TRANK1: variants seen among roughly 807,000 people sequenced by gnomAD.
TRANK1 encodes tetratricopeptide repeat and ankyrin repeat containing 1, also known as TPR and ankyrin repeat-containing protein 1.
Under a neutral mutation model 266.0 loss-of-function variants are expected in TRANK1, and 198 were observed. That is an observed-to-expected ratio of 0.74 (90% confidence interval 0.66 to 0.84). The LOEUF is 0.84. Among genes scored for constraint, TRANK1 ranks in the 40% least tolerant of loss-of-function variants. TRANK1 has a pLI of 0.00. For synonymous variants in TRANK1, 1,396 were observed against 1,384.1 expected (o/e 1.01, Z -0.19); for missense variants, 3,326 against 3,634.6 (o/e 0.92, Z 2.18).
intron 1 of TRANK1, among the ~76,000 whole-genome samples, chr3:36,934,936 T>C (rs1394971541): frequency 6.6e-6 from 1 of 152,144 alleles, no homozygotes; most frequent in Non-Finnish European, 1.5e-5. Context: ...GCTGGATTAC[T>C]GCAAAATTGG....
At chr3:36,941,958 C>T (rs1275066271) in intron 1 of TRANK1, among the ~76,000 whole-genome samples, 2 of 152,164 alleles carry the variant, frequency 1.3e-5, no homozygotes, top group African/African-American at 2.4e-5. Context: ...TCCTTAAGGT[C>T]AAGAAAACCA....
Position 36,843,942 on chromosome 3 carries a change from C to T in TRANK1, c.5192-1232G>A, listed in dbSNP as rs1216319698. 2.6e-5 allele frequency among the ~76,000 whole-genome samples: 4 copies of T among 152,246 alleles called. No individual in the cohort carries two copies. The South Asian group carries it at 8.3e-4, about 32-fold the overall frequency. On this transcript the variant is annotated intron_variant, in intron 17 of 23. Coordinates refer to ENST00000645898, the MANE Select transcript of TRANK1 (RefSeq NM_001329998.2). ...GTGACATTTAATTCCCACGGCAAAA[C>T]CCCATCCATATTATCTCAAAATAGG... is the stretch of plus-strand genomic sequence containing the variant.
In TRANK1 at chr3:36,889,886, C is replaced by A. The variant is rs750671203; in HGVS notation, c.850G>T (p.Asp284Tyr). Residue 284 changes from aspartate to tyrosine, a missense_variant, in exon 8 of 24, where the codon GAT becomes TAT. By Grantham distance (160) the Asp-to-Tyr change is radical. Transcript: ENST00000645898. Reference protein sequence around the residue: ...WKGRINQKDGDGCTVLHVVAA... With the variant: ...WKGRINQKDGYGCTVLHVVAA... ...ACGACGTGCAGGACAGTGCAGCCAT[C>A]CCCATCCTTCTGGTTAATGCGGCCT... The A allele has an allele frequency of 6.5e-7, 1 of 1,537,264 alleles. No homozygotes were observed. The highest frequency in any genetic ancestry group is 1.2e-5 in the South Asian group (1 of 84,058).
intron 17 of TRANK1, among the ~76,000 whole-genome samples, chr3:36,843,893 G>A (rs891183744): frequency 4.6e-5 from 7 of 152,076 alleles, no homozygotes; most frequent in East Asian, 1.9e-4. Context: ...TTCTGACTCC[G>A]TATGTGCTGC....
At chr3:36,902,763 A>G (rs375033505) in intron 3 of TRANK1, among the ~76,000 whole-genome samples, 3 of 152,338 alleles carry the variant, frequency 2.0e-5, no homozygotes, top group East Asian at 3.9e-4. Flanking sequence ...GGCAAAGAAC[A>G]TGCACAGATT....
At chr3:36,864,745 C>G (rs921253916) in intron 9 of TRANK1, among the ~76,000 whole-genome samples, 17 of 152,184 alleles carry the variant, frequency 1.1e-4, no homozygotes, top group African/African-American at 4.1e-4. Flanking sequence ...GCCTTGTATA[C>G]TTCTGCTGAC....
rs760296033 is a variant in TRANK1 at position 36,855,268 on chromosome 3, A to C, written c.4454T>G (p.Phe1485Cys). The change falls in exon 13 of 24, where the codon TTC (phenylalanine) becomes TGC (cysteine). Residue 1485 changes from phenylalanine to cysteine, a missense_variant. Coordinates refer to ENST00000645898, the MANE Select transcript of TRANK1 (RefSeq NM_001329998.2). ...AFRFSDLRSLFHYASRNTIDK... is the reference protein window; with the variant it reads ...AFRFSDLRSLCHYASRNTIDK... ...TATGGTGTTTCTGCTGGCATAATGGAACAGAGAGCGCAGATCGCTGAAGCG... is the reference window on the plus strand; with the variant it reads ...TATGGTGTTTCTGCTGGCATAATGGCACAGAGAGCGCAGATCGCTGAAGCG... The C allele has an allele frequency of 6.2e-7, 1 of 1,614,026 alleles. No homozygotes were observed. Among genetic ancestry groups the C allele is most frequent in the East Asian group, 2.2e-5 (1 of 44,882 alleles).
intron 1 of TRANK1, among the ~76,000 whole-genome samples, chr3:36,918,677 AAAAG>A (rs1019139885): frequency 1.3e-5 from 2 of 149,172 alleles, no homozygotes; most frequent in African/African-American, 2.5e-5. Flanking sequence ...GAAAGAAAGA[AAAAG>A]AAAGAAACGC....
In TRANK1 at chr3:36,857,380, G is replaced by T. The variant is rs745486330; in HGVS notation, c.2342C>A (p.Pro781His). 2 of 1,610,324 alleles carry T rather than the reference G, an allele frequency of 1.2e-6. No individual in the cohort carries two copies. The highest frequency in any genetic ancestry group is 4.5e-5 in the East Asian group (2 of 44,882). ...DDKPTLGAGAPDCSEVGEGHA... is the reference protein window; with the variant it reads ...DDKPTLGAGAHDCSEVGEGHA... ...TCCTTCCCCCACCTCACTACAGTCA[G>T]GGGCCCCTGCACCCAGAGTCGGCTT... The change falls in exon 13 of 24, where the codon CCT becomes CAT. Residue 781 changes from proline to histidine, a missense_variant. Physicochemically the swap from Pro to His is moderately conservative, Grantham distance 77. Coordinates refer to ENST00000645898, the MANE Select transcript of TRANK1 (RefSeq NM_001329998.2). This position sits in a 1 kb window ranked among gnomAD's most constrained non-coding sequence, Gnocchi z 4.3.
In TRANK1 at chr3:36,833,905, A is replaced by T; in HGVS notation, c.5678T>A (p.Leu1893Gln). The T allele has an allele frequency of 6.2e-7, 1 of 1,606,184 alleles. No homozygotes were observed. The highest frequency in any genetic ancestry group is 1.1e-5 in the South Asian group (1 of 90,016). Residue 1893 changes from leucine to glutamine, a missense_variant, in exon 22 of 24, where the codon CTA becomes CAA. Coordinates refer to ENST00000645898, the MANE Select transcript of TRANK1 (RefSeq NM_001329998.2). ...AIAVEKYEEM[L>Q]KTKTLPISKL... ...GGAAATGGGAAGGGTCTTAGTCTTT[A>T]GCATTTCTTCATACCTGCAAAGACA...
chr3:36,877,013 C>T (rs1374120337), intron 8 of TRANK1, among the ~76,000 whole-genome samples: 1 of 152,168 alleles, frequency 6.6e-6, no homozygotes, highest in East Asian at 1.9e-4. Flanking sequence ...AAATTACAAA[C>T]AAAGCTGAAG....
At chr3:36,900,938 A>ACC (rs1350742759) in intron 3 of TRANK1, among the ~76,000 whole-genome samples, 1 of 150,652 alleles carries the variant, frequency 6.6e-6, no homozygotes, top group Non-Finnish European at 1.5e-5. Context: ...TCCACGTAAC[A>ACC]CCAAATTTCT....
intron 11 of TRANK1, among the ~76,000 whole-genome samples, chr3:36,860,233 T>C (rs1320891097): frequency 1.3e-5 from 2 of 152,158 alleles, no homozygotes; most frequent in Non-Finnish European, 2.9e-5. Flanking sequence ...TTTATTCCCA[T>C]TTTACCAATG....
At chr3:36,907,444 C>A (rs894206002) in intron 2 of TRANK1, among the ~76,000 whole-genome samples, 1 of 151,256 alleles carries the variant, frequency 6.6e-6, no homozygotes, top group Admixed American at 6.6e-5. Flanking sequence ...GCCACTCTAC[C>A]CAGCAAATTT....
intron 3 of TRANK1, among the ~76,000 whole-genome samples, chr3:36,900,362 G>C (rs951433405): frequency 1.3e-5 from 2 of 152,110 alleles, no homozygotes; most frequent in African/African-American, 4.8e-5. Context: ...CAAACATTGA[G>C]ATTTACTGAG....
chr3:36,905,120 C>T (rs1418376278), intron 2 of TRANK1, among the ~76,000 whole-genome samples: 1 of 152,014 alleles, frequency 6.6e-6, no homozygotes, highest in Admixed American at 6.6e-5. Flanking sequence ...AACCCCATCT[C>T]TACTAAAAAT....
rs1001132453 is a variant in TRANK1, at chr3:36,846,142, G to T, written c.5191+106C>A. 4.2e-6 allele frequency: 5 copies of T among 1,199,012 alleles called. No homozygotes were observed. The African/African-American group carries it at 6.2e-5, about 15-fold the overall frequency. 74.3% of individuals were successfully genotyped at this position (1,199,012 alleles called of 1,614,324 possible). Reference sequence around the variant, plus strand: ...CCATTTCTCAGAAGATTGTGGAAAAGAAAGAAAGCACTTTCAAAATACCAC... The same window carrying T: ...CCATTTCTCAGAAGATTGTGGAAAATAAAGAAAGCACTTTCAAAATACCAC... On this transcript the variant is annotated intron_variant, in intron 17 of 23. Transcript: ENST00000645898.
At chr3:36,848,333 C>A (rs900130591) in intron 15 of TRANK1, among the ~76,000 whole-genome samples, 1 of 152,074 alleles carries the variant, frequency 6.6e-6, no homozygotes, top group Non-Finnish European at 1.5e-5. Flanking sequence ...TAAAAAAACT[C>A]CGGTAGTCTG....
chr3:36,856,285 T>A lies in TRANK1; in HGVS notation c.3437A>T (p.Glu1146Val). ...ATCTATGCTTTCTACTGTTTCCACT[T>A]CAATAGAATCTTCCTCTTCCTCGTC... ...EEDEEEEDSI[E>V]VETVESIDEQ... is the part of the protein sequence containing the mutation. The change falls in exon 13 of 24, where the codon GAA becomes GTA. Residue 1146 changes from glutamate to valine, a missense_variant. Glu to Val is a moderately radical substitution (Grantham distance 121). Coordinates refer to ENST00000645898, the MANE Select transcript of TRANK1 (RefSeq NM_001329998.2). 6.3e-7 allele frequency: 1 copy of A among 1,596,424 alleles called. No homozygotes were observed. The highest frequency in any genetic ancestry group is 1.1e-5 in the South Asian group (1 of 89,426).
Sources: allele counts gnomAD v4.1 joint callset (sites outside exome capture counted in the v4.1 genomes callset), GRCh38; gene constraint gnomAD v4.1.1; non-coding constraint Gnocchi (gnomAD v3.1); transcripts MANE v1.5; gene names NCBI Gene and HGNC (gene_info 2026-07-23, HGNC 2026-07-21).